The following MSANTD3 variants were observed in gnomAD, a reference collection of about 807,000 sequenced individuals.
MSANTD3 encodes myb/SANT-like DNA-binding domain-containing protein 3.
MSANTD3 carries 11 observed loss-of-function variants against 27.7 expected under a neutral mutation model. That is an observed-to-expected ratio of 0.40 (90% CI 0.25 to 0.66). The LOEUF (loss-of-function observed/expected upper bound fraction) is 0.66, where lower values mean the gene tolerates loss of function less well. MSANTD3 is among the 30% of genes least tolerant of loss of function. MSANTD3 has a pLI of 0.41. For synonymous variants in MSANTD3, 131 were observed against 127.2 expected, an observed-to-expected ratio of 1.03 and a Z score of -0.20; for missense variants, 250 against 336.5, an observed-to-expected ratio of 0.74 and a Z score of 2.01.
Position 100,450,759 on chromosome 9 carries a change from C to T in MSANTD3, c.621C>T (p.Ile207=), listed in dbSNP as rs1836866129. ...HEEEHHQQMS[I]LQLQLIQMNE... ...AAGAACACCATCAACAAATGTCCAT[C>T]TTACAACTGCAACTGATACAAATGA... Residue 207 remains isoleucine, a synonymous_variant, in exon 3 of 3, where the codon ATC becomes ATT. Transcript: ENST00000395067. 1 of 1,614,056 alleles carries T rather than the reference C, an allele frequency of 6.2e-7. No individual in the cohort carries two copies. Among genetic ancestry groups the T allele is most frequent in the African/African-American group, 1.3e-5 (1 of 75,036 alleles).
intron 2 of MSANTD3, chr9:100,448,607 T>C: frequency 1.0e-6 from 1 of 985,410 alleles, no homozygotes; most frequent in Non-Finnish European, 1.2e-6. Flanking sequence ...CCCAGCACTA[T>C]ACCAGGCCCT....
chr9:100,428,397 T>C (rs1836291494), intron 1 of MSANTD3, among the ~76,000 whole-genome samples: 1 of 152,120 alleles, frequency 6.6e-6, no homozygotes, highest in Admixed American at 6.6e-5. Flanking sequence ...AAAAACATAG[T>C]TTCTGAGTTA....
chr9:100,447,033 A>C (rs1407598946), intron 2 of MSANTD3, among the ~76,000 whole-genome samples: 1 of 152,016 alleles, frequency 6.6e-6, no homozygotes, highest in African/African-American at 2.4e-5. Context: ...TGCTGATATT[A>C]AACTTACTCC....
In MSANTD3 at chr9:100,451,715, A is replaced by C. The variant is rs1836893937; in HGVS notation, c.*749A>C. On this transcript the variant is annotated 3_prime_UTR_variant, in exon 3 of 3. Transcript: ENST00000395067. ...ATTCTGTTATGTTGGTTTTATTAAA[A>C]AAAAAAAAAAGACTTGCAATTTTAT... 1 of 151,834 alleles carries C rather than the reference A, an allele frequency of 6.6e-6. No homozygotes were observed. Among genetic ancestry groups the C allele is most frequent in the Admixed American group, 6.6e-5 (1 of 15,236 alleles). 9.4% of individuals were successfully genotyped at this position (151,834 alleles called of 1,614,324 possible).
At chr9:100,428,244 C>T (rs904728181) in intron 1 of MSANTD3, among the ~76,000 whole-genome samples, 1 of 152,174 alleles carries the variant, frequency 6.6e-6, no homozygotes, top group Admixed American at 6.5e-5. Flanking sequence ...CCTGCAGTAT[C>T]GAGGAGAGTA....
intron 1 of MSANTD3, among the ~76,000 whole-genome samples, chr9:100,441,103 T>G (rs1836611296): frequency 6.6e-6 from 1 of 150,950 alleles, no homozygotes; most frequent in Non-Finnish European, 1.5e-5. Flanking sequence ...GCCCAGCTAA[T>G]TTTTGTATTT....
At chr9:100,441,177 G>A (rs1176859444) in intron 1 of MSANTD3, among the ~76,000 whole-genome samples, 3 of 150,774 alleles carry the variant, frequency 2.0e-5, no homozygotes, top group South Asian at 2.1e-4. Context: ...CTCGTGGTCC[G>A]CCTGCCTCAG....
chr9:100,429,165 T>C (rs970786282), intron 1 of MSANTD3, among the ~76,000 whole-genome samples: 1 of 152,156 alleles, frequency 6.6e-6, no homozygotes, highest in African/African-American at 2.4e-5. Flanking sequence ...GGGTGGTTTA[T>C]TTTGTTTTTA....
intron 2 of MSANTD3, 115 bp downstream of exon 2, chr9:100,442,471 C>A: frequency 6.9e-7 from 1 of 1,441,384 alleles, no homozygotes; most frequent in Non-Finnish European, 9.1e-7. Flanking sequence ...GTATCAAATC[C>A]AATTTTCCTA....
chr9:100,427,787 T>A (rs370416860), intron 1 of MSANTD3, among the ~76,000 whole-genome samples: 3 of 152,104 alleles, frequency 2.0e-5, no homozygotes, highest in Admixed American at 6.5e-5. Flanking sequence ...CATACTTGTC[T>A]CCTTTAAGAC....
Position 100,427,251 on chromosome 9 carries a change from C to T in MSANTD3, c.-176C>T, listed in dbSNP as rs1451336680. The T allele has an allele frequency of 6.9e-6, 1 of 144,904 alleles. No homozygotes were observed. The highest frequency in any genetic ancestry group is 1.5e-5 in the Non-Finnish European group (1 of 65,362). 9.0% of individuals were successfully genotyped at this position (144,904 alleles called of 1,614,324 possible). A position where few individuals can be genotyped will look rare whatever the true frequency, so the allele number is the denominator to read the frequency against. Reference sequence around the variant, plus strand: ...GGCGGGGCCTGGCCGGCCGGGGGCGCGCCGCCGCCGCCGCCGCCGCCCGGC... The same window carrying T: ...GGCGGGGCCTGGCCGGCCGGGGGCGTGCCGCCGCCGCCGCCGCCGCCCGGC... On this transcript the variant is annotated 5_prime_UTR_variant, in exon 1 of 3. Transcript: ENST00000395067.
intron 2 of MSANTD3, among the ~76,000 whole-genome samples, chr9:100,443,399 CAAAAAAAAA>C (rs376952309): frequency 8.5e-6 from 1 of 117,598 alleles, no homozygotes; most frequent in Non-Finnish European, 1.8e-5. Flanking sequence ...AACTCCATCT[CAAAAAAAAA>C]AAAAAGAACT....
At chr9:100,446,817 AC>A (rs754310651) in intron 2 of MSANTD3, among the ~76,000 whole-genome samples, 2 of 144,714 alleles carry the variant, frequency 1.4e-5, no homozygotes, top group African/African-American at 2.6e-5. Flanking sequence ...ACAGAGCCAG[AC>A]TTCGTCTAAA....
intron 1 of MSANTD3, among the ~76,000 whole-genome samples, chr9:100,438,447 C>CGTGTGTGTGT (rs1836528897): frequency 7.2e-6 from 1 of 138,440 alleles, no homozygotes; most frequent in African/African-American, 2.6e-5. Flanking sequence ...TGTGTGTGTA[C>CGTGTGTGTGT]ACACACATAT....
chr9:100,447,811 C>A (rs951930784), intron 2 of MSANTD3, among the ~76,000 whole-genome samples: 10 of 152,330 alleles, frequency 6.6e-5, no homozygotes, highest in African/African-American at 2.4e-4. Flanking sequence ...GCTCAAAAAA[C>A]AGTAGGTGCT....
intron 2 of MSANTD3, among the ~76,000 whole-genome samples, chr9:100,447,654 G>C (rs746140349): frequency 6.6e-6 from 1 of 152,174 alleles, no homozygotes; most frequent in South Asian, 2.1e-4. Context: ...TTGGATTTTG[G>C]AGTCATACAG....
At chr9:100,445,558 T>C (rs1323934852) in intron 2 of MSANTD3, among the ~76,000 whole-genome samples, 1 of 152,224 alleles carries the variant, frequency 6.6e-6, no homozygotes, top group Non-Finnish European at 1.5e-5. Context: ...TTTCACCTTT[T>C]TTTATTTTTC....
At position 100,427,383 on chromosome 9, in the gene MSANTD3, C is replaced by A. The variant is rs917487064; in HGVS notation, c.-44C>A. 1 of 147,662 alleles carries A rather than the reference C, an allele frequency of 6.8e-6. No homozygotes were observed. Among genetic ancestry groups the A allele is most frequent in the Non-Finnish European group, 1.5e-5 (1 of 66,288 alleles). 9.1% of individuals were successfully genotyped at this position (147,662 alleles called of 1,614,324 possible). On this transcript the variant is annotated 5_prime_UTR_variant, in exon 1 of 3. Coordinates refer to ENST00000395067, the MANE Select transcript of MSANTD3 (RefSeq NM_080655.3). The stretch of plus-strand genomic sequence containing the variant: ...CCCCCGGTCGCCGCGGCTGCCGCGC[C>A]GCCGCTGCAGGTAGGAGGCTCCCCT...
At chr9:100,446,228 T>C (rs1407974601) in intron 2 of MSANTD3, among the ~76,000 whole-genome samples, 1 of 152,240 alleles carries the variant, frequency 6.6e-6, no homozygotes, top group African/African-American at 2.4e-5. Flanking sequence ...ATAAATGCCA[T>C]TATTATTACT....
Sources: allele counts gnomAD v4.1 joint callset (sites outside exome capture counted in the v4.1 genomes callset), GRCh38; gene constraint gnomAD v4.1.1; transcripts MANE v1.5; gene names NCBI Gene and HGNC (gene_info 2026-07-23, HGNC 2026-07-21).